The following LRRFIP2 variants were observed in gnomAD, a reference collection of about 807,000 sequenced individuals.
The protein encoded by LRRFIP2 is leucine-rich repeat flightless-interacting protein 2.
A neutral mutation model predicts 125.9 loss-of-function variants in LRRFIP2; 109 were observed. The observed-to-expected ratio is 0.87, with a 90% CI of 0.74 to 1.01. The LOEUF (loss-of-function observed/expected upper bound fraction) is 1.01. Among genes scored for constraint, LRRFIP2 ranks in the 50% least tolerant of loss-of-function variants. The pLI is 0.00. For missense variants in LRRFIP2, 850 were observed against 862.3 expected (o/e 0.99, Z 0.18); for synonymous variants, 291 against 293.1 (o/e 0.99, Z 0.07).
At chr3:37,065,785 G>A (rs1559677302) in intron 23 of LRRFIP2, 25 bp downstream of exon 23, 2 of 1,614,022 alleles carry the variant, frequency 1.2e-6, no homozygotes, top group Admixed American at 1.7e-5. Flanking sequence ...ATTAATCCAA[G>A]TCAACATAGC....
At chr3:37,161,443 G>T (rs1190678142) in intron 1 of LRRFIP2, among the ~76,000 whole-genome samples, 1 of 152,124 alleles carries the variant, frequency 6.6e-6, no homozygotes, top group African/African-American at 2.4e-5. Context: ...AGTGATAAAA[G>T]CCAGACACAA....
chr3:37,162,863 TTTGTC>T (rs1327790311), intron 1 of LRRFIP2, among the ~76,000 whole-genome samples: 1 of 152,152 alleles, frequency 6.6e-6, no homozygotes, highest in Admixed American at 6.5e-5. Context: ...TGGAATTTAG[TTTGTC>T]TTGACCCCGT....
At position 37,106,671 on chromosome 3, in the gene LRRFIP2, A is replaced by ATTAGGC. The variant is rs1459468051; in HGVS notation, c.715-1149_715-1148insGCCTAA. On this transcript the variant is annotated intron_variant, in intron 13 of 27. Transcript: ENST00000336686. ...TAAAAATTAAAATTAGGCCAGGCAC[A>ATTAGGC]GTGGTTCACGCCTGTAATCCCAGCA... Among the ~76,000 whole-genome samples the ATTAGGC allele has an allele frequency of 1.1e-4, 16 of 152,038 alleles. No homozygotes were observed. The East Asian group carries it at 3.1e-3, about 29-fold the overall frequency.
At position 37,129,449 on chromosome 3, in the gene LRRFIP2, AT is replaced by A. The variant is rs138266109; in HGVS notation, c.91-301del. 9.1e-3 allele frequency among the ~76,000 whole-genome samples: 1,385 copies of A among 152,176 alleles called. 25 individuals are homozygous for A. Among genetic ancestry groups the A allele is most frequent in the African/African-American group, 0.032 (1,323 of 41,514 alleles). On this transcript the variant is annotated intron_variant, in intron 2 of 27. Transcript: ENST00000336686. ...TCTCCAAACTTACTCTTTTTCCAGA[AT>A]TTTTTCCCCATTGATTCAATCATAT...
At chr3:37,134,666 A>G (rs2095513307) in intron 2 of LRRFIP2, 1 of 668,532 alleles carries the variant, frequency 1.5e-6, no homozygotes, top group South Asian at 1.4e-5. Context: ...CTATGGCACT[A>G]AGACAGATTA....
intron 19 of LRRFIP2, among the ~76,000 whole-genome samples, chr3:37,078,885 G>T (rs2092373378): frequency 6.6e-6 from 1 of 152,174 alleles, no homozygotes; most frequent in Non-Finnish European, 1.5e-5. Flanking sequence ...ATTAGCCAAA[G>T]ATGGGACAAT....
intron 15 of LRRFIP2, among the ~76,000 whole-genome samples, chr3:37,102,393 A>G (rs1235160075): frequency 7.9e-5 from 12 of 151,994 alleles, no homozygotes; most frequent in Non-Finnish European, 1.6e-4. Context: ...CTATGCGGAG[A>G]TTTTTCCACA....
intron 18 of LRRFIP2, among the ~76,000 whole-genome samples, chr3:37,084,643 G>A (rs964457309): frequency 1.3e-5 from 2 of 152,136 alleles, no homozygotes; most frequent in Admixed American, 6.5e-5. Flanking sequence ...TCCAGCCTGG[G>A]TGACAGAGCG....
intron 18 of LRRFIP2, among the ~76,000 whole-genome samples, chr3:37,087,842 G>A (rs938817629): frequency 6.6e-6 from 1 of 151,820 alleles, no homozygotes; most frequent in Non-Finnish European, 1.5e-5. Context: ...ACCCACCTCA[G>A]CCTCCCCATA....
intron 17 of LRRFIP2, chr3:37,093,309 C>G (rs75859916): frequency 6.5e-6 from 1 of 152,734 alleles, no homozygotes; most frequent in East Asian, 1.9e-4. Flanking sequence ...TCCAGGCAAG[C>G]TCATCCATCT....
chr3:37,144,158 G>T (rs1000530499), intron 2 of LRRFIP2, among the ~76,000 whole-genome samples: 1 of 152,186 alleles, frequency 6.6e-6, no homozygotes, highest in African/African-American at 2.4e-5. Flanking sequence ...TAGCTACATC[G>T]ACTCCAGGTG....
At chr3:37,174,109 A>G (rs1029731895) in intron 1 of LRRFIP2, 7 of 152,238 alleles carry the variant, frequency 4.6e-5, no homozygotes, top group African/African-American at 1.7e-4. Context: ...AGTAAAAAAA[A>G]GATGCCAAAA....
chr3:37,146,565 GT>G (rs893796661), intron 2 of LRRFIP2, among the ~76,000 whole-genome samples: 9 of 152,276 alleles, frequency 5.9e-5, no homozygotes, highest in Admixed American at 1.3e-4. Context: ...AACATGCAGT[GT>G]TTGGTTTTCT....
intron 1 of LRRFIP2, among the ~76,000 whole-genome samples, chr3:37,164,775 A>G (rs2096434502): frequency 6.6e-6 from 1 of 152,022 alleles, no homozygotes; most frequent in African/African-American, 2.4e-5. Context: ...GTTATGGTAG[A>G]CAAATTCTAA....
chr3:37,085,191 C>T (rs936619862), intron 18 of LRRFIP2, among the ~76,000 whole-genome samples: 2 of 152,090 alleles, frequency 1.3e-5, no homozygotes, highest in African/African-American at 4.8e-5. Flanking sequence ...TTGGGATAGG[C>T]AATGGTTTTT....
chr3:37,108,653 G>A lies in LRRFIP2; in HGVS notation c.641C>T (p.Pro214Leu), dbSNP rs760860018. ...TAGACTTACAGTTCGAGGACCATAA[G>A]GGTTATATAATCCACCATTGTACAA... ...ASLYNGGLYN[P>L]YGPRTPSECS... Residue 214 changes from proline (P) to leucine (L), a missense_variant, in exon 12 of 28, where the codon CCT becomes CTT. Physicochemically the swap from Pro to Leu is moderately conservative, Grantham distance 98. Transcript: ENST00000336686. 2.5e-6 allele frequency: 4 copies of A among 1,610,198 alleles called. No homozygotes were observed. The highest frequency in any genetic ancestry group is 2.2e-5 in the South Asian group (2 of 90,880).
chr3:37,107,293 T>C (rs1373897291), intron 13 of LRRFIP2, among the ~76,000 whole-genome samples: 2 of 152,068 alleles, frequency 1.3e-5, no homozygotes. Flanking sequence ...CTAAGAGACA[T>C]GAAGTGGAAA....
At chr3:37,157,180 T>C (rs1311603456) in intron 1 of LRRFIP2, among the ~76,000 whole-genome samples, 3 of 151,986 alleles carry the variant, frequency 2.0e-5, no homozygotes, top group Non-Finnish European at 4.4e-5. Flanking sequence ...CTGTGGCTCA[T>C]GCCTGTAATC....
At chr3:37,123,157 T>A (rs2095129789) in intron 4 of LRRFIP2, among the ~76,000 whole-genome samples, 1 of 151,976 alleles carries the variant, frequency 6.6e-6, no homozygotes, top group African/African-American at 2.4e-5. Context: ...TAGGAATTCG[T>A]CACTGATTTA....
Sources: allele counts gnomAD v4.1 joint callset (sites outside exome capture counted in the v4.1 genomes callset), GRCh38; gene constraint gnomAD v4.1.1; transcripts MANE v1.5; gene names NCBI Gene and HGNC (gene_info 2026-07-23, HGNC 2026-07-21).